The following CPXM2 variants were observed in gnomAD, a reference collection of about 807,000 sequenced individuals.
CPXM2 encodes inactive carboxypeptidase-like protein X2.
Under a neutral mutation model 86.1 loss-of-function variants are expected in CPXM2, and 66 were observed. The ratio of observed to expected loss-of-function variants is 0.77; its 90% CI spans 0.63 to 0.94. The LOEUF is 0.94. CPXM2 is among the 40% of genes least tolerant of loss of function. The pLI is 0.00. For missense variants in CPXM2, 948 were observed against 1,026.3 expected, an observed-to-expected ratio of 0.92 and a Z score of 1.04; for synonymous variants, 388 against 400.2, an observed-to-expected ratio of 0.97 and a Z score of 0.36.
chr10:123,772,769 T>G (rs993945548), intron 7 of CPXM2, among the ~76,000 whole-genome samples: 1 of 151,892 alleles, frequency 6.6e-6, no homozygotes, highest in African/African-American at 2.4e-5. Flanking sequence ...ATTGTGGTTA[T>G]CAGCTCCCTG....
intron 2 of CPXM2, among the ~76,000 whole-genome samples, chr10:123,924,645 G>A (rs947886114): frequency 3.3e-5 from 5 of 152,192 alleles, no homozygotes; most frequent in Admixed American, 2.6e-4. Flanking sequence ...TTGTATGATT[G>A]ATTATAAACT....
chr10:123,827,416 AT>A (rs1848070829), intron 4 of CPXM2, among the ~76,000 whole-genome samples: 1 of 152,234 alleles, frequency 6.6e-6, no homozygotes, highest in Non-Finnish European at 1.5e-5. Context: ...TGATGCAAAA[AT>A]CATAAATAAA....
intron 4 of CPXM2, among the ~76,000 whole-genome samples, chr10:123,841,718 T>C (rs993494218): frequency 2.6e-5 from 4 of 152,246 alleles, no homozygotes; most frequent in African/African-American, 9.6e-5. Context: ...TATGTTTCAC[T>C]GTATGCATAT....
chr10:123,905,421 T>G (rs2363934), intron 2 of CPXM2, among the ~76,000 whole-genome samples: 26 of 151,986 alleles, frequency 1.7e-4, no homozygotes, highest in Non-Finnish European at 3.4e-4. Context: ...GCCACTCTCT[T>G]TGCCTGAGGC....
intron 12 of CPXM2, among the ~76,000 whole-genome samples, chr10:123,756,036 A>G (rs1159809871): frequency 6.6e-6 from 1 of 152,188 alleles, no homozygotes; most frequent in Non-Finnish European, 1.5e-5. Context: ...GTATCCCAAG[A>G]CCATCATGGG....
chr10:123,788,902 T>C (rs536938145), intron 6 of CPXM2, among the ~76,000 whole-genome samples: 4 of 143,348 alleles, frequency 2.8e-5, no homozygotes, highest in South Asian at 4.5e-4. Context: ...AAAGAAAGGA[T>C]CCCTGGCCCC....
chr10:123,801,276 C>T (rs1024818874), intron 4 of CPXM2, among the ~76,000 whole-genome samples: 11 of 152,210 alleles, frequency 7.2e-5, no homozygotes, highest in South Asian at 2.1e-4. Flanking sequence ...TCCCTGCACA[C>T]GCTCTCTTGC....
chr10:123,791,653 A>G (rs77003825), intron 6 of CPXM2, among the ~76,000 whole-genome samples: 7,792 of 152,276 alleles, frequency 0.051, 281 homozygotes, highest in African/African-American at 0.088. Context: ...GCCCACCCTC[A>G]TCCAGTATGA....
intron 3 of CPXM2, among the ~76,000 whole-genome samples, chr10:123,853,856 G>A (rs1848651083): frequency 6.6e-6 from 1 of 152,168 alleles, no homozygotes; most frequent in Non-Finnish European, 1.5e-5. Flanking sequence ...AGTGAGCAGA[G>A]ATCGTGCCAC....
At chr10:123,899,283 A>AGAATCCAT (rs1945363072) in intron 2 of CPXM2, among the ~76,000 whole-genome samples, 1 of 152,246 alleles carries the variant, frequency 6.6e-6, no homozygotes, top group Admixed American at 6.5e-5. Flanking sequence ...AATTATACAT[A>AGAATCCAT]AAATCCATAA....
chr10:123,747,921 CAA>C (rs59206856), intron 13 of CPXM2, among the ~76,000 whole-genome samples: 8 of 72,016 alleles, frequency 1.1e-4, no homozygotes, highest in Admixed American at 1.7e-4. Context: ...GACTCTGTCT[CAA>C]AAAAAAAAAA....
At chr10:123,906,328 C>T (rs960934202) in intron 2 of CPXM2, among the ~76,000 whole-genome samples, 16 of 152,290 alleles carry the variant, frequency 1.1e-4, no homozygotes, top group South Asian at 2.1e-4. Context: ...CAAAATGAAA[C>T]GCTACGTAAA....
At chr10:123,758,258 C>G (rs748933434) in intron 11 of CPXM2, among the ~76,000 whole-genome samples, 5 of 152,184 alleles carry the variant, frequency 3.3e-5, no homozygotes, top group Non-Finnish European at 5.9e-5. Context: ...CTCTCAAAGT[C>G]TCAGAGGCCA....
Position 123,853,047 on chromosome 10 carries a change from G to C in CPXM2, c.513+9567C>G, listed in dbSNP as rs555259787. 3.4e-4 allele frequency among the ~76,000 whole-genome samples: 52 copies of C among 152,314 alleles called. 1 individual carries two copies. The highest frequency in any genetic ancestry group is 2.5e-3 in the South Asian group (12 of 4,824). ...GATGGGGCCTGGTGGGAGGTGATTA[G>C]ATCATGGGGGTGGATCTCCCCCTTA... is the stretch of plus-strand genomic sequence containing the variant. On this transcript the variant is annotated intron_variant, in intron 3 of 13. Coordinates refer to ENST00000241305, the MANE Select transcript of CPXM2 (RefSeq NM_198148.3).
intron 3 of CPXM2, among the ~76,000 whole-genome samples, chr10:123,854,787 T>A (rs1395636641): frequency 6.6e-6 from 1 of 151,802 alleles, no homozygotes; most frequent in African/African-American, 2.4e-5. Flanking sequence ...GATGTGCACG[T>A]CTCCCAGCAA....
chr10:123,795,306 T>A (rs1451711884), intron 6 of CPXM2, among the ~76,000 whole-genome samples: 1 of 152,162 alleles, frequency 6.6e-6, no homozygotes, highest in Non-Finnish European at 1.5e-5. Context: ...ATATGGTAAT[T>A]CACTTTTCAG....
At chr10:123,938,709 C>G (rs1047741822) in intron 2 of CPXM2, among the ~76,000 whole-genome samples, 5 of 152,172 alleles carry the variant, frequency 3.3e-5, no homozygotes, top group Non-Finnish European at 5.9e-5. Flanking sequence ...CAGCGTCTAC[C>G]GCAGCCATCT....
At chr10:123,874,836 A>T (rs994683853) in intron 2 of CPXM2, among the ~76,000 whole-genome samples, 2 of 152,226 alleles carry the variant, frequency 1.3e-5, no homozygotes, top group South Asian at 4.1e-4. Context: ...TACTTGGTCA[A>T]TAAGAACCAC....
intron 11 of CPXM2, among the ~76,000 whole-genome samples, chr10:123,761,009 T>C (rs1473295525): frequency 6.6e-6 from 1 of 152,124 alleles, no homozygotes; most frequent in Non-Finnish European, 1.5e-5. Context: ...GGTCCTGCAG[T>C]CAATGCAGAG....
Sources: allele counts gnomAD v4.1 joint callset (sites outside exome capture counted in the v4.1 genomes callset), GRCh38; gene constraint gnomAD v4.1.1; transcripts MANE v1.5; gene names NCBI Gene and HGNC (gene_info 2026-07-23, HGNC 2026-07-21).